Variants in CAMTA1 observed in about 807,000 individuals in gnomAD.
CAMTA1 encodes the protein calmodulin binding transcription activator 1.
Under a neutral mutation model 170.9 loss-of-function variants are expected in CAMTA1, and 27 were observed. The observed-to-expected ratio is 0.16, with a 90% confidence interval of 0.12 to 0.22. The LOEUF (loss-of-function observed/expected upper bound fraction) is 0.22. Ranked by LOEUF, CAMTA1 falls within the 10% of genes least tolerant of loss-of-function variation. The pLI is 1.00. For missense variants in CAMTA1, 1,619 were observed against 2,217.2 expected (o/e 0.73, Z 5.42); for synonymous variants, 833 against 891.5 (o/e 0.93, Z 1.17).
chr1:7,703,301 ACCC>A, intron 11 of CAMTA1, among the ~76,000 whole-genome samples: 1 of 147,050 alleles, frequency 6.8e-6, no homozygotes, highest in Non-Finnish European at 1.5e-5. Context: ...CTGCGTGGTG[ACCC>A]GGGGGGCGGG....
At chr1:7,743,574 A>G (rs963552403) in intron 16 of CAMTA1, among the ~76,000 whole-genome samples, 2 of 152,138 alleles carry the variant, frequency 1.3e-5, no homozygotes. Flanking sequence ...ATCATGCACC[A>G]TGCAGCCCAC....
chr1:6,987,163 G>GT lies in CAMTA1; in HGVS notation c.235-104137dup, dbSNP rs1444996427. Among the ~76,000 whole-genome samples the GT allele has an allele frequency of 4.2e-4, 46 of 109,660 alleles. No homozygotes were observed. The South Asian group carries it at 4.4e-3, about 10-fold the overall frequency. 71.9% of individuals were successfully genotyped at this position (109,660 alleles called of 152,430 possible). On this transcript the variant is annotated intron_variant, in intron 3 of 22. Coordinates refer to ENST00000303635, the MANE Select transcript of CAMTA1 (RefSeq NM_015215.4). ...ATGCCAGGGCCCACCCTCAGAGACT[G>GT]TTTTGTTTTTTTTTTTTGAGACAGA...
intron 11 of CAMTA1, among the ~76,000 whole-genome samples, chr1:7,707,143 C>G (rs1295187601): frequency 6.6e-6 from 1 of 152,146 alleles, no homozygotes; most frequent in Admixed American, 6.5e-5. Context: ...CTCAGCCTCC[C>G]AAAGTGATGG....
In CAMTA1 at chr1:7,707,163, C is replaced by T. The variant is rs949158650; in HGVS notation, c.2915-25285C>T. 2.6e-5 allele frequency among the ~76,000 whole-genome samples: 4 copies of T among 152,214 alleles called. No individual in the cohort carries two copies. The East Asian group carries it at 7.7e-4, about 29-fold the overall frequency. The stretch of plus-strand genomic sequence containing the variant: ...CCTCCCAAAGTGATGGGATTACAGG[C>T]GTGAGCCACCGTGCCTGGCCCAGGC... On this transcript the variant is annotated intron_variant, in intron 11 of 22. Coordinates refer to ENST00000303635, the MANE Select transcript of CAMTA1 (RefSeq NM_015215.4).
At chr1:7,054,020 G>A (rs769298423) in intron 3 of CAMTA1, among the ~76,000 whole-genome samples, 2 of 152,162 alleles carry the variant, frequency 1.3e-5, no homozygotes, top group Admixed American at 6.5e-5. Context: ...TCCTGGGCTG[G>A]GGGGTCCCTG....
At chr1:6,997,183 G>A (rs1050559140) in intron 3 of CAMTA1, among the ~76,000 whole-genome samples, 20 of 152,284 alleles carry the variant, frequency 1.3e-4, no homozygotes, top group African/African-American at 3.9e-4. Context: ...CAAAAAGGAT[G>A]TGCATTCTCT....
chr1:6,937,932 A>G (rs955805552), intron 3 of CAMTA1, among the ~76,000 whole-genome samples: 2 of 152,178 alleles, frequency 1.3e-5, no homozygotes, highest in Middle Eastern at 3.2e-3. Context: ...CACTTAATTT[A>G]TGTATCACTT....
chr1:7,111,838 T>C (rs1347266577), intron 4 of CAMTA1, among the ~76,000 whole-genome samples: 2 of 145,290 alleles, frequency 1.4e-5, no homozygotes, highest in African/African-American at 2.6e-5. Context: ...TAAGCTGAGA[T>C]TGCATTACTG....
At chr1:6,861,422 A>G (rs1664648895) in intron 3 of CAMTA1, among the ~76,000 whole-genome samples, 1 of 152,210 alleles carries the variant, frequency 6.6e-6, no homozygotes, top group South Asian at 2.1e-4. Flanking sequence ...TCTCTAACCC[A>G]TACTTCTTCA....
chr1:7,219,868 T>G (rs1660429520), intron 4 of CAMTA1, among the ~76,000 whole-genome samples: 1 of 152,100 alleles, frequency 6.6e-6, no homozygotes, highest in Non-Finnish European at 1.5e-5. Context: ...AGACCCCATC[T>G]CTACCAAAAC....
chr1:7,602,378 T>C (rs1345746114), intron 6 of CAMTA1, among the ~76,000 whole-genome samples: 1 of 152,104 alleles, frequency 6.6e-6, no homozygotes, highest in Non-Finnish European at 1.5e-5. Context: ...CCTGGTTTAG[T>C]CTTGGGAGAG....
intron 1 of CAMTA1, among the ~76,000 whole-genome samples, chr1:6,791,413 G>A (rs181837111): frequency 6.6e-6 from 1 of 152,218 alleles, no homozygotes; most frequent in East Asian, 1.9e-4. Context: ...TAACTAGATA[G>A]CATCTCTAGA....
At chr1:7,060,301 C>T (rs1281223154) in intron 3 of CAMTA1, among the ~76,000 whole-genome samples, 1 of 152,224 alleles carries the variant, frequency 6.6e-6, no homozygotes, top group African/African-American at 2.4e-5. Flanking sequence ...CAGACGGTGT[C>T]TTCTTGCCCT....
intron 4 of CAMTA1, among the ~76,000 whole-genome samples, chr1:7,191,352 T>G (rs1654487660): frequency 6.6e-6 from 1 of 152,246 alleles, no homozygotes; most frequent in Admixed American, 6.5e-5. Flanking sequence ...CCTCTGCACA[T>G]GCACCATGCA....
At chr1:7,222,691 C>T (rs899808881) in intron 4 of CAMTA1, among the ~76,000 whole-genome samples, 13 of 152,212 alleles carry the variant, frequency 8.5e-5, no homozygotes, top group African/African-American at 1.7e-4. Flanking sequence ...TCCTGGAGCA[C>T]GCTCTCTTCT....
At chr1:7,749,103 C>G (rs1005974128) in intron 19 of CAMTA1, among the ~76,000 whole-genome samples, 91 of 152,272 alleles carry the variant, frequency 6.0e-4, no homozygotes, top group African/African-American at 2.1e-3. Flanking sequence ...CGATAAAATT[C>G]AGGCCTGTCA....
intron 3 of CAMTA1, among the ~76,000 whole-genome samples, chr1:6,862,424 A>G (rs1665082001): frequency 1.3e-5 from 2 of 152,206 alleles, no homozygotes; most frequent in South Asian, 2.1e-4. Context: ...TCATCCATCC[A>G]TGGGTGCATG....
rs190741379 is a variant in CAMTA1, at chr1:7,138,820, C to A, written c.302+47449C>A. Among the ~76,000 whole-genome samples, 525 of 151,894 alleles carry A rather than the reference C, an allele frequency of 3.5e-3. 3 individuals are homozygous for A. The highest frequency in any genetic ancestry group is 0.012 in the African/African-American group (488 of 41,388). On this transcript the variant is annotated intron_variant, in intron 4 of 22. Coordinates refer to ENST00000303635, the MANE Select transcript of CAMTA1 (RefSeq NM_015215.4). ...GACCAGTCTGGCCAACATGGTGAAA[C>A]CCTGTGACTACTAAAAATACAAAAA...
chr1:7,096,856 A>G (rs1642143151), intron 4 of CAMTA1, among the ~76,000 whole-genome samples: 1 of 152,078 alleles, frequency 6.6e-6, no homozygotes, highest in South Asian at 2.1e-4. Context: ...AGCCTCAGAT[A>G]CTTCCTGGGA....
Sources: gnomAD v4.1 joint callset for allele counts (sites outside exome capture counted in the v4.1 genomes callset) on GRCh38, gnomAD v4.1.1 for gene constraint, MANE v1.5 for transcripts, NCBI Gene and HGNC (gene_info 2026-07-23, HGNC 2026-07-21) for gene names.